The following CCDC92B variants were observed in gnomAD, a reference collection of about 807,000 sequenced individuals.
The protein encoded by CCDC92B is coiled-coil domain-containing 92B.
CCDC92B carries 2 observed loss-of-function variants against 5.6 expected under a neutral mutation model. The observed-to-expected ratio is 0.36, with a 90% confidence interval of 0.15 to 1.12. The LOEUF (loss-of-function observed/expected upper bound fraction) is 1.12, where lower values mean the gene tolerates loss of function less well. CCDC92B is among the 50% of genes most tolerant of loss of function. The pLI, the probability that CCDC92B is intolerant of heterozygous loss-of-function variation, is 0.40. For synonymous variants in CCDC92B, 115 were observed against 122.3 expected (o/e 0.94, Z 0.39); for missense variants, 271 against 262.2 (o/e 1.03, Z -0.23).
rs571495834 is a variant in CCDC92B, at chr17:2,736,011, C to G, written c.-23-843G>C. On this transcript the variant is annotated intron_variant, in intron 1 of 3. Coordinates refer to ENST00000614400, the MANE Select transcript of CCDC92B (RefSeq NM_001355573.2). ...TGAATATTATTCTCCCTTAGTTCAACTCCACTTCAACTTCACCACAGTCCA... is the reference window on the plus strand; with the variant it reads ...TGAATATTATTCTCCCTTAGTTCAAGTCCACTTCAACTTCACCACAGTCCA... 2.0e-5 allele frequency among the ~76,000 whole-genome samples: 3 copies of G among 152,356 alleles called. No homozygotes were observed. The East Asian group carries it at 5.8e-4, about 29-fold the overall frequency.
chr17:2,734,805 C>T (rs1348743783), intron 2 of CCDC92B, among the ~76,000 whole-genome samples: 10 of 152,098 alleles, frequency 6.6e-5, no homozygotes, highest in Admixed American at 6.6e-4. Flanking sequence ...GAGCTCTTTG[C>T]TGTGAAACTT....
rs1482435354 is a variant in CCDC92B at position 2,749,578 on chromosome 17, C to CGGGGGGCTCT, written c.-192_-191insAGAGCCCCCC. 1.6e-5 allele frequency: 2 copies of CGGGGGGCTCT among 122,440 alleles called. No individual in the cohort carries two copies. Among genetic ancestry groups the CGGGGGGCTCT allele is most frequent in the African/African-American group, 6.2e-5 (2 of 32,014 alleles). 7.6% of individuals were successfully genotyped at this position (122,440 alleles called of 1,614,324 possible). Reference sequence around the variant, plus strand: ...CTGCGGGGCAGTCGGGCCGGGGCTCCGGGGGGCTCGGGGGCGCCGAAGGGG... The same window carrying CGGGGGGCTCT: ...CTGCGGGGCAGTCGGGCCGGGGCTCCGGGGGGCTCTGGGGGGCTCGGGGGCGCCGAAGGGG... On this transcript the variant is annotated 5_prime_UTR_variant, in exon 1 of 4. Coordinates refer to ENST00000614400, the MANE Select transcript of CCDC92B (RefSeq NM_001355573.2).
intron 1 of CCDC92B, among the ~76,000 whole-genome samples, chr17:2,747,016 C>T (rs1170227933): frequency 6.6e-6 from 1 of 152,094 alleles, no homozygotes; most frequent in African/African-American, 2.4e-5. Context: ...CCAATATTTC[C>T]TTGGGTATCT....
intron 1 of CCDC92B, among the ~76,000 whole-genome samples, chr17:2,740,965 C>CAAAAAAAA (rs34349370): frequency 3.9e-5 from 2 of 50,908 alleles, no homozygotes; most frequent in Non-Finnish European, 7.0e-5. Flanking sequence ...GACCCTGTCT[C>CAAAAAAAA]AAAAAAAAAA....
Position 2,735,150 on chromosome 17 carries a change from A to T in CCDC92B, c.-5T>A. 1.0e-6 allele frequency: 1 copy of T among 985,510 alleles called. No individual in the cohort carries two copies. The highest frequency in any genetic ancestry group is 1.2e-6 in the Non-Finnish European group (1 of 830,026). 61.0% of individuals were successfully genotyped at this position (985,510 alleles called of 1,614,324 possible). On this transcript the variant is annotated 5_prime_UTR_variant, in exon 2 of 4. It adds an upstream start codon to the 5' untranslated region. Transcript: ENST00000614400. ...CTCCAGGGACACGGTATCCATGGCA[A>T]CCCAGGCCTGGGCCCCACCTAGGGA...
intron 2 of CCDC92B, among the ~76,000 whole-genome samples, chr17:2,733,252 CCTCTT>C (rs1032320135): frequency 6.7e-6 from 1 of 150,264 alleles, no homozygotes; most frequent in African/African-American, 2.4e-5. Flanking sequence ...CTTAGGGTTT[CCTCTT>C]CTCTTTTTTT....
chr17:2,745,294 A>C (rs2070972688), intron 1 of CCDC92B, among the ~76,000 whole-genome samples: 1 of 151,920 alleles, frequency 6.6e-6, no homozygotes, highest in African/African-American at 2.4e-5. Context: ...TGGAGGATGA[A>C]GGTGTGTGGG....
Position 2,724,632 on chromosome 17 carries a change from C to G in CCDC92B, c.547G>C (p.Ala183Pro). Reference protein sequence around the residue: ...ARRPPAAHEAAAKGPGRDWAA... With the variant: ...ARRPPAAHEAPAKGPGRDWAA... ...CAGTCCCGGCCGGGGCCCTTGGCGG[C>G]GGCCTCGTGGGCAGCAGGCGGGCGG... Residue 183 changes from alanine (A) to proline (P), a missense_variant, in exon 4 of 4, where the codon GCC (alanine) becomes CCC (proline). Physicochemically the swap from Ala to Pro is conservative, Grantham distance 27 (BLOSUM62 -1). Transcript: ENST00000614400. This position sits in a 1 kb window ranked among gnomAD's most constrained non-coding sequence, Gnocchi z 5.0. 4.1e-6 allele frequency: 4 copies of G among 981,516 alleles called. No homozygotes were observed. The highest frequency in any genetic ancestry group is 3.6e-6 in the Non-Finnish European group (3 of 828,176). 60.8% of individuals were successfully genotyped at this position (981,516 alleles called of 1,614,324 possible).
At chr17:2,727,621 C>G (rs546944136) in intron 3 of CCDC92B, among the ~76,000 whole-genome samples, 3 of 151,862 alleles carry the variant, frequency 2.0e-5, no homozygotes, top group South Asian at 2.1e-4. Flanking sequence ...GTCAGGAGTT[C>G]GAGACCAGCC....
At chr17:2,748,502 GTGTT>G (rs2071014421) in intron 1 of CCDC92B, 3 of 923,468 alleles carry the variant, frequency 3.2e-6, no homozygotes, top group Admixed American at 7.4e-5. Context: ...AGTCTTCATC[GTGTT>G]TGTGTGTGTG....
Position 2,727,551 on chromosome 17 carries a change from T to C in CCDC92B, c.179-2551A>G, listed in dbSNP as rs144461593. 3.6e-3 allele frequency among the ~76,000 whole-genome samples: 551 copies of C among 152,144 alleles called. 4 individuals carry two copies. The highest frequency in any genetic ancestry group is 1.0e-2 in the South Asian group (48 of 4,822). On this transcript the variant is annotated intron_variant, in intron 3 of 3. Transcript: ENST00000614400. ...TGATAAGAGGACAAAGAGGGCTGGG[T>C]GCAGTGGCTCACGCCTGTAATCCCA...
chr17:2,739,163 C>A (rs375633054), intron 1 of CCDC92B, among the ~76,000 whole-genome samples: 2 of 151,356 alleles, frequency 1.3e-5, no homozygotes, highest in Admixed American at 6.6e-5. Context: ...GTCAGGAGAT[C>A]GAGACCATCC....
chr17:2,733,675 T>G (rs2070823178), intron 2 of CCDC92B, among the ~76,000 whole-genome samples: 1 of 150,158 alleles, frequency 6.7e-6, no homozygotes, highest in Non-Finnish European at 1.5e-5. Context: ...TCAGGGGAGA[T>G]TAGAATGTGG....
intron 1 of CCDC92B, among the ~76,000 whole-genome samples, chr17:2,744,577 AG>A (rs1447273510): frequency 1.3e-5 from 2 of 151,312 alleles, no homozygotes; most frequent in African/African-American, 4.8e-5. Context: ...CCTTTTCCTT[AG>A]TACCTAGCAC....
chr17:2,727,296 T>C (rs538815080), intron 3 of CCDC92B, among the ~76,000 whole-genome samples: 1 of 152,358 alleles, frequency 6.6e-6, no homozygotes, highest in South Asian at 2.1e-4. Flanking sequence ...TGCTGTTTCC[T>C]GGGCGCTATG....
chr17:2,729,722 G>A (rs2070773593), intron 3 of CCDC92B, among the ~76,000 whole-genome samples: 2 of 152,040 alleles, frequency 1.3e-5, no homozygotes, highest in Admixed American at 1.3e-4. Flanking sequence ...ATTCATGTTG[G>A]GGTGCAGCAG....
Position 2,728,271 on chromosome 17 carries a change from T to C in CCDC92B, c.178+2175A>G, listed in dbSNP as rs867996262. Among the ~76,000 whole-genome samples the C allele has an allele frequency of 4.1e-5, 6 of 145,544 alleles. No homozygotes were observed. In the South Asian group the frequency reaches 1.3e-3, roughly 31 times the overall value. ...AGGCAGAGGTTGCAGTGAGCAGAGA[T>C]GGTGCCATGGCACTCCAGCCTGGGT... is the stretch of plus-strand genomic sequence containing the variant. On this transcript the variant is annotated intron_variant, in intron 3 of 3. Coordinates refer to ENST00000614400, the MANE Select transcript of CCDC92B (RefSeq NM_001355573.2).
intron 2 of CCDC92B, among the ~76,000 whole-genome samples, chr17:2,731,061 C>T (rs750049691): frequency 5.9e-5 from 9 of 152,228 alleles, no homozygotes; most frequent in Non-Finnish European, 1.0e-4. Context: ...CAGCGCTGCC[C>T]CTTCCCAAGC....
rs1406745561 is a variant in CCDC92B, at chr17:2,741,809, G to T, written c.-23-6641C>A. 3.3e-5 allele frequency among the ~76,000 whole-genome samples: 5 copies of T among 151,020 alleles called. No individual in the cohort carries two copies. The South Asian group carries it at 6.3e-4, about 19-fold the overall frequency. Reference sequence around the variant, plus strand: ...GAGTTTCACCGTGTTAGCCAGGATGGTCTCAATCTCTTGACCTCGTGATCC... The same window carrying T: ...GAGTTTCACCGTGTTAGCCAGGATGTTCTCAATCTCTTGACCTCGTGATCC... On this transcript the variant is annotated intron_variant, in intron 1 of 3. Transcript: ENST00000614400.
Sources: allele counts gnomAD v4.1 joint callset (sites outside exome capture counted in the v4.1 genomes callset), GRCh38; gene constraint gnomAD v4.1.1; non-coding constraint Gnocchi (gnomAD v3.1); transcripts MANE v1.5; gene names NCBI Gene and HGNC (gene_info 2026-07-23, HGNC 2026-07-21).